SLC19A1: variants seen among roughly 807,000 people sequenced by gnomAD.
The protein encoded by SLC19A1 is reduced folate transporter.
SLC19A1 carries 37 observed loss-of-function variants against 35.3 expected under a neutral mutation model. That is an observed-to-expected ratio of 1.05 (90% CI 0.81 to 1.38). The LOEUF (loss-of-function observed/expected upper bound fraction) is 1.38, where lower values mean the gene tolerates loss of function less well. SLC19A1 is among the 40% of genes most tolerant of loss of function. SLC19A1 has a pLI of 0.00. For synonymous variants in SLC19A1, 460 were observed against 398.5 expected, an observed-to-expected ratio of 1.15 and a Z score of -1.84; for missense variants, 831 against 826.9, an observed-to-expected ratio of 1.00 and a Z score of -0.06.
intron 3 of SLC19A1, chr21:45,504,349 G>A (rs2037052193): frequency 1.3e-6 from 2 of 1,527,602 alleles, no homozygotes; most frequent in Non-Finnish European, 8.9e-7. Flanking sequence ...TGGCTCGGGG[G>A]GATGGGAGGC....
chr21:45,525,719 C>T (rs1221780659), intron 5 of SLC19A1, 98 bp downstream of exon 5: 4 of 1,410,236 alleles, frequency 2.8e-6, no homozygotes, highest in Middle Eastern at 2.4e-4. Context: ...TGCCCCCAGC[C>T]CACAGTGGGC....
downstream of SLC19A1, chr21:45,510,412 G>C: frequency 1.1e-6 from 1 of 897,996 alleles, no homozygotes; most frequent in Non-Finnish European, 1.8e-6. Context: ...GGCAGGCTCC[G>C]GGTGGGTCAC....
chr21:45,553,215 C>G (rs1361071668), intron 1 of SLC19A1, among the ~76,000 whole-genome samples: 2 of 152,020 alleles, frequency 1.3e-5, no homozygotes, highest in African/African-American at 4.8e-5. Flanking sequence ...CTCTACTGGT[C>G]CTTCCAGGCA....
In SLC19A1 at chr21:45,562,086, G is replaced by A. The variant is rs112071947; in HGVS notation, c.-50+656C>T. ...GCGGAGTTTGTAGTGAGCTGAGATC[G>A]CGCCATTGCACTCCAGTCTGGCAAC... On this transcript the variant is annotated intron_variant, in intron 1 of 5. Transcript: ENST00000650808. Among the ~76,000 whole-genome samples, 1,000 of 145,494 alleles carry A rather than the reference G, an allele frequency of 6.9e-3. 8 individuals carry two copies. The highest frequency in any genetic ancestry group is 0.024 in the African/African-American group (927 of 38,864).
chr21:45,506,087 T>G (rs1277826326), intron 3 of SLC19A1: 1 of 1,478,220 alleles, frequency 6.8e-7, no homozygotes, highest in Non-Finnish European at 9.3e-7. Flanking sequence ...AGCCAGCGCT[T>G]CTTAAACTTT....
chr21:45,514,873 G>GCCCAGGCAAGCCTGGCACATA lies in SLC19A1; in HGVS notation c.*764_*784dup. ...AAGGCAGCCCCCCCAAGGCTGCCCAGCCCAGGCAAGCCTGGCACATACCAA... is the reference window on the plus strand; with the variant it reads ...AAGGCAGCCCCCCCAAGGCTGCCCAGCCCAGGCAAGCCTGGCACATACCCAGGCAAGCCTGGCACATACCAA... On this transcript the variant is annotated 3_prime_UTR_variant, in exon 6 of 6. Coordinates refer to ENST00000311124, the MANE Select transcript of SLC19A1 (RefSeq NM_194255.4). 1 of 919,868 alleles carries GCCCAGGCAAGCCTGGCACATA rather than the reference G, an allele frequency of 1.1e-6. No homozygotes were observed. Among genetic ancestry groups the GCCCAGGCAAGCCTGGCACATA allele is most frequent in the Non-Finnish European group, 1.6e-6 (1 of 645,112 alleles). The allele number at this position is 919,868 out of a possible 1,614,324, so 57.0% of individuals were successfully genotyped here.
rs1331191836 is a variant in SLC19A1, at chr21:45,516,078, C to A, written c.1356G>T (p.Leu452=). The A allele has an allele frequency of 1.0e-5, 16 of 1,599,264 alleles. No individual in the cohort carries two copies. The highest frequency in any genetic ancestry group is 1.4e-5 in the Non-Finnish European group (16 of 1,174,618). The change falls in exon 6 of 6, where the codon CTG becomes CTT. Residue 452 remains leucine, a synonymous_variant. Transcript: ENST00000311124. ...CCCGCTGGCAGTGCCGCAGGCCATC[C>A]AGCATGGCCCCCAAGAAGTAGATGA... The part of the protein sequence containing the change: ...LSIIYFLGAM[L]DGLRHCQRGH...
intron 5 of SLC19A1, among the ~76,000 whole-genome samples, chr21:45,519,380 G>T (rs1305219005): frequency 6.6e-6 from 1 of 152,056 alleles, no homozygotes; most frequent in Non-Finnish European, 1.5e-5. Flanking sequence ...TACACCAACT[G>T]TAAGACAGAG....
In SLC19A1 at chr21:45,530,536, G is replaced by A. The variant is rs1314136101; in HGVS notation, c.1151+234C>T. Among the ~76,000 whole-genome samples, 2 of 152,158 alleles carry A rather than the reference G, an allele frequency of 1.3e-5. No individual in the cohort carries two copies. The highest frequency in any genetic ancestry group is 1.5e-5 in the Non-Finnish European group (1 of 68,006). ...GGAGCAGGGCAAGGCTGTGAGCCCAGCAGGCTTCAGAGAGGAGCGTGGAGG... is the reference window on the plus strand; with the variant it reads ...GGAGCAGGGCAAGGCTGTGAGCCCAACAGGCTTCAGAGAGGAGCGTGGAGG... On this transcript the variant is annotated intron_variant, in intron 4 of 5. Transcript: ENST00000311124. This position sits in a 1 kb window ranked among gnomAD's most constrained non-coding sequence, Gnocchi z 5.3.
Position 45,515,973 on chromosome 21 carries a change from C to T in SLC19A1, c.1461G>A (p.Gln487=). ...GCTGCAGGCCTCCGAGGCCCTTGTC[C>T]TGCACGCTCAGTGCCTGTGCTGCCT... The part of the protein sequence containing the change: ...EEKAAQALSV[Q]DKGLGGLQPA... Residue 487 remains glutamine, a synonymous_variant, in exon 6 of 6, where the codon CAG becomes CAA. Coordinates refer to ENST00000311124, the MANE Select transcript of SLC19A1 (RefSeq NM_194255.4). 1 of 1,552,878 alleles carries T rather than the reference C, an allele frequency of 6.4e-7. No homozygotes were observed. The highest frequency in any genetic ancestry group is 8.7e-7 in the Non-Finnish European group (1 of 1,149,464).
intron 3 of SLC19A1, chr21:45,505,027 AG>A: frequency 7.0e-7 from 1 of 1,425,304 alleles, no homozygotes; most frequent in Non-Finnish European, 9.6e-7. Context: ...GGTGACTCAG[AG>A]GCTGCGCTCG....
chr21:45,550,101 G>A lies in SLC19A1; in HGVS notation c.-49-12093C>T, dbSNP rs139165658. Among the ~76,000 whole-genome samples, 29 of 152,154 alleles carry A rather than the reference G, an allele frequency of 1.9e-4. No individual in the cohort carries two copies. In the East Asian group the frequency reaches 2.7e-3, roughly 14 times the overall value. On this transcript the variant is annotated intron_variant, in intron 1 of 5. Transcript: ENST00000650808. ...ACAGTGGGGGTCAGTGTGGGGTACC[G>A]CCCACCCCATCCCAGCCCCTCCTGG...
At chr21:45,504,231 G>A in intron 3 of SLC19A1, 1 of 911,312 alleles carries the variant, frequency 1.1e-6, no homozygotes, top group Non-Finnish European at 1.7e-6. Context: ...CCCCGGCTCA[G>A]TTTTTGGGGG....
chr21:45,523,144 C>A (rs1168401823), intron 5 of SLC19A1, among the ~76,000 whole-genome samples: 1 of 152,196 alleles, frequency 6.6e-6, no homozygotes, highest in Admixed American at 6.5e-5. Flanking sequence ...ACTCTACCCC[C>A]GACCAAGCCT....
Position 45,533,982 on chromosome 21 carries a change from G to A in SLC19A1, c.190-1834C>T, listed in dbSNP as rs1375448882. 1.3e-5 allele frequency among the ~76,000 whole-genome samples: 2 copies of A among 152,018 alleles called. No homozygotes were observed. Among genetic ancestry groups the A allele is most frequent in the Non-Finnish European group, 2.9e-5 (2 of 67,984 alleles). ...CAGAGACCCCACCTCAGGGCACCCT[G>A]AGGTCGCACCCTGGAGCCTGCACCC... On this transcript the variant is annotated intron_variant, in intron 2 of 5. Transcript: ENST00000311124. The surrounding 1 kb of genome is among the most constrained non-coding windows in gnomAD (Gnocchi z 4.5).
intron 2 of SLC19A1, among the ~76,000 whole-genome samples, chr21:45,537,569 C>T (rs1220350628): frequency 9.2e-5 from 7 of 76,210 alleles, no homozygotes; most frequent in African/African-American, 2.1e-4. Context: ...CCGGCACCCA[C>T]GTGCCTATTC....
downstream of SLC19A1, among the ~76,000 whole-genome samples, chr21:45,511,884 ACAGGAAGCCTCTGCT>A (rs1198603976): frequency 6.6e-6 from 1 of 152,188 alleles, no homozygotes; most frequent in Non-Finnish European, 1.5e-5. Context: ...CGAGGCAGCC[ACAGGAAGCCTCTGCT>A]CAGCAGGCAT....
intron 1 of SLC19A1, among the ~76,000 whole-genome samples, chr21:45,561,918 G>A (rs977155537): frequency 6.6e-5 from 10 of 151,868 alleles, no homozygotes; most frequent in Non-Finnish European, 1.5e-4. Flanking sequence ...AGACCACAAG[G>A]TTAGGAGATC....
At chr21:45,553,937 GC>G (rs1361164636) in intron 1 of SLC19A1, among the ~76,000 whole-genome samples, 1 of 3,712 alleles carries the variant, frequency 2.7e-4, no homozygotes, top group Non-Finnish European at 4.3e-4. Flanking sequence ...AGTCCCCCGT[GC>G]CCCCCTCCCA....
Sources: allele counts gnomAD v4.1 joint callset (sites outside exome capture counted in the v4.1 genomes callset), GRCh38; gene constraint gnomAD v4.1.1; non-coding constraint Gnocchi (gnomAD v3.1); transcripts MANE v1.5; gene names NCBI Gene and HGNC (gene_info 2026-07-23, HGNC 2026-07-21).